The following SETD5 variants were observed in gnomAD, a reference collection of about 807,000 sequenced individuals.
The protein encoded by SETD5 is histone-lysine N-methyltransferase SETD5.
SETD5 carries 44 observed loss-of-function variants against 153.3 expected under a neutral mutation model. That is an observed-to-expected ratio of 0.29 (90% CI 0.23 to 0.37). The LOEUF is 0.37. Among genes scored for constraint, SETD5 ranks in the 10% least tolerant of loss-of-function variants. SETD5 has a pLI of 1.00. For synonymous variants in SETD5, 716 were observed against 645.2 expected (o/e 1.11, Z -1.66); for missense variants, 1,544 against 1,768.0 (o/e 0.87, Z 2.27).
rs748532900 is a variant in SETD5 at position 9,476,082 on chromosome 3, A to G, written c.4320A>G (p.Gly1440=). Residue 1440 remains glycine (G), a synonymous_variant, in exon 23 of 23, where the codon GGA becomes GGG. Transcript: ENST00000402198. ...GGTCAGGAGTCAAGACTCAGACGGG[A>G]CTTTCCTAGGGCTTCTGGATTTGGG... ...LQGSGVKTQT[G]LS 1 of 1,613,064 alleles carries G rather than the reference A, an allele frequency of 6.2e-7. No individual in the cohort carries two copies. The highest frequency in any genetic ancestry group is 2.2e-5 in the East Asian group (1 of 44,860).
intron 1 of SETD5, among the ~76,000 whole-genome samples, chr3:9,407,659 T>TA (rs1169978940): frequency 6.6e-6 from 1 of 152,226 alleles, no homozygotes; most frequent in Non-Finnish European, 1.5e-5. Flanking sequence ...GGCAAATAGT[T>TA]ACCCCCAAAG....
intron 2 of SETD5, among the ~76,000 whole-genome samples, chr3:9,426,904 C>A (rs1038732428): frequency 1.3e-5 from 2 of 151,902 alleles, no homozygotes; most frequent in Non-Finnish European, 2.9e-5. Context: ...ATTGTCATAC[C>A]CAGAGGTCTC....
At chr3:9,458,423 C>T (rs866619084) in intron 17 of SETD5, among the ~76,000 whole-genome samples, 4 of 152,042 alleles carry the variant, frequency 2.6e-5, no homozygotes, top group African/African-American at 9.7e-5. Flanking sequence ...TTGAGACCAG[C>T]CTGGGCAGCA....
intron 1 of SETD5, among the ~76,000 whole-genome samples, chr3:9,399,027 G>A (rs1346286489): frequency 6.6e-6 from 1 of 152,124 alleles, no homozygotes; most frequent in Non-Finnish European, 1.5e-5. Context: ...GGGTTCCACT[G>A]GGCTTTGTCT....
chr3:9,473,032 C>A (rs1318645321), intron 19 of SETD5, among the ~76,000 whole-genome samples: 2 of 152,164 alleles, frequency 1.3e-5, no homozygotes, highest in African/African-American at 2.4e-5. Context: ...TTACCAATTT[C>A]CAGCTGCCTT....
At chr3:9,475,432 A>C in intron 22 of SETD5, 51 bp from the exon 23 acceptor site, 1 of 1,561,008 alleles carries the variant, frequency 6.4e-7, no homozygotes, top group Non-Finnish European at 8.7e-7. Context: ...TTCACCAGCC[A>C]TTTAAGGGAC....
rs867491580 is a variant in SETD5 at position 9,397,684 on chromosome 3, C to T, written c.-470C>T. 858 of 170,466 alleles carry T rather than the reference C, an allele frequency of 5.0e-3. 13 individuals carry two copies. Among genetic ancestry groups the T allele is most frequent in the African/African-American group, 0.018 (722 of 40,182 alleles). 10.6% of individuals were successfully genotyped at this position (170,466 alleles called of 1,614,324 possible). On this transcript the variant is annotated 5_prime_UTR_variant, in exon 1 of 23. Transcript: ENST00000402198. ...CCGCCGCCGCCGCCGCCGCCGCCGCCGCTGCCGGGGGAGGGGCGGCCGCCG... is the reference window on the plus strand; with the variant it reads ...CCGCCGCCGCCGCCGCCGCCGCCGCTGCTGCCGGGGGAGGGGCGGCCGCCG...
intron 7 of SETD5, among the ~76,000 whole-genome samples, chr3:9,437,696 G>A (rs868724428): frequency 2.6e-5 from 4 of 151,988 alleles, no homozygotes; most frequent in African/African-American, 9.7e-5. Context: ...GAGTTATAGG[G>A]CATAAATATT....
intron 17 of SETD5, among the ~76,000 whole-genome samples, chr3:9,464,138 A>G (rs979753614): frequency 1.3e-5 from 2 of 152,210 alleles, no homozygotes; most frequent in Non-Finnish European, 2.9e-5. Context: ...ATAAATAAAT[A>G]AATGAATAAA....
chr3:9,451,046 C>CA (rs1438334933), intron 16 of SETD5, among the ~76,000 whole-genome samples: 1 of 152,036 alleles, frequency 6.6e-6, no homozygotes, highest in Non-Finnish European at 1.5e-5. Flanking sequence ...TATAAGTGGC[C>CA]AACAAGGCTC....
chr3:9,445,886 T>A, intron 13 of SETD5, 146 bp downstream of exon 13: 1 of 412,704 alleles, frequency 2.4e-6, no homozygotes, highest in Non-Finnish European at 4.3e-6. Context: ...AAGATTTTAT[T>A]ATAATTTTTT....
chr3:9,429,097 A>G (rs547113433), intron 3 of SETD5, 88 bp downstream of exon 3: 431 of 868,638 alleles, frequency 5.0e-4, no homozygotes, highest in Admixed American at 8.0e-4. Flanking sequence ...AATATGTAGT[A>G]TTTTCTTAAC....
chr3:9,447,060 A>G lies in SETD5; in HGVS notation c.1535A>G (p.Asp512Gly). Residue 512 changes from aspartate (D) to glycine (G), a missense_variant, in exon 14 of 23, where the codon GAT becomes GGT. Transcript: ENST00000402198. Reference protein sequence around the residue: ...NLAHSRRTREDRKVEAIMHAF... With the variant: ...NLAHSRRTREGRKVEAIMHAF... ...ACTATCTCTTTCTAGACCAGGGAAG[A>G]TAGAAAGGTAGAAGCCATCATGCAT... The G allele has an allele frequency of 6.2e-7, 1 of 1,610,790 alleles. No individual in the cohort carries two copies. Among genetic ancestry groups the G allele is most frequent in the South Asian group, 1.1e-5 (1 of 90,674 alleles).
At chr3:9,416,075 C>A (rs891401940) in intron 1 of SETD5, among the ~76,000 whole-genome samples, 2 of 152,084 alleles carry the variant, frequency 1.3e-5, no homozygotes, top group African/African-American at 4.8e-5. Flanking sequence ...AAATAGGAAT[C>A]TTCCACGTGC....
chr3:9,474,511 G>A lies in SETD5; in HGVS notation c.3560G>A (p.Ser1187Asn). The A allele has an allele frequency of 6.2e-7, 1 of 1,613,862 alleles. No homozygotes were observed. Among genetic ancestry groups the A allele is most frequent in the Non-Finnish European group, 8.5e-7 (1 of 1,179,850 alleles). ...EGGSIPKVLR[S>N]SVRVAQKGEP... ...GGGAGCATCCCCAAGGTCCTCCGAA[G>A]CAGCGTGAGGGTGGCCCAAAAGGGA... Residue 1187 changes from serine to asparagine, a missense_variant, in exon 21 of 23, where the codon AGC becomes AAC. By Grantham distance (46) the Ser-to-Asn change is conservative. This residue lies in a region of SETD5 where 38 missense variants were observed against 71.4 expected (regional missense o/e 0.53). Coordinates refer to ENST00000402198, the MANE Select transcript of SETD5 (RefSeq NM_001080517.3).
intron 3 of SETD5, among the ~76,000 whole-genome samples, chr3:9,429,649 A>G (rs1451909336): frequency 1.3e-5 from 2 of 152,202 alleles, no homozygotes; most frequent in African/African-American, 4.8e-5. Context: ...AAGAATGTAA[A>G]TGCCAAATGA....
intron 1 of SETD5, among the ~76,000 whole-genome samples, chr3:9,409,202 T>C (rs1400399744): frequency 1.3e-5 from 2 of 152,170 alleles, no homozygotes; most frequent in Non-Finnish European, 2.9e-5. Flanking sequence ...ATATTCATGA[T>C]TTACTTCATA....
chr3:9,455,168 CTTTTTTTTTT>C (rs903600741), intron 17 of SETD5, among the ~76,000 whole-genome samples: 3 of 99,916 alleles, frequency 3.0e-5, no homozygotes, highest in South Asian at 3.4e-4. Flanking sequence ...TTCTTTTTTT[CTTTTTTTTTT>C]TTTTTTTTTT....
intron 1 of SETD5, among the ~76,000 whole-genome samples, chr3:9,415,355 A>G (rs941503136): frequency 1.3e-5 from 2 of 152,144 alleles, no homozygotes; most frequent in Admixed American, 6.5e-5. Context: ...TTTTTGTAAT[A>G]TATAAGTTAA....
Sources: gnomAD v4.1 joint callset for allele counts (sites outside exome capture counted in the v4.1 genomes callset) on GRCh38, gnomAD v4.1.1 for gene constraint, gnomAD v4.1.1 regional missense constraint, MANE v1.5 for transcripts, NCBI Gene and HGNC (gene_info 2026-07-23, HGNC 2026-07-21) for gene names.